The following TMEM117 variants were observed in gnomAD, a reference collection of about 807,000 sequenced individuals.
TMEM117 encodes the protein transmembrane protein 117.
In TMEM117, 27 loss-of-function variants were observed where a neutral mutation model predicts 52.4. The observed-to-expected ratio is 0.51, with a 90% CI of 0.38 to 0.71. The LOEUF (loss-of-function observed/expected upper bound fraction) is 0.71, where lower values mean the gene tolerates loss of function less well. Ranked by LOEUF, TMEM117 falls within the 30% of genes least tolerant of loss-of-function variation. The pLI is 0.00. For missense variants in TMEM117, 556 were observed against 630.5 expected (o/e 0.88, Z 1.26); for synonymous variants, 215 against 206.3 (o/e 1.04, Z -0.36).
At chr12:44,180,491 T>C (rs1254225425) in intron 4 of TMEM117, among the ~76,000 whole-genome samples, 1 of 140,956 alleles carries the variant, frequency 7.1e-6, no homozygotes, top group Non-Finnish European at 1.6e-5. Context: ...CTCCCAATCC[T>C]ATCCCTCCCC....
intron 2 of TMEM117, among the ~76,000 whole-genome samples, chr12:43,933,752 G>T (rs867027595): frequency 6.7e-6 from 1 of 150,172 alleles, no homozygotes; most frequent in Non-Finnish European, 1.5e-5. Context: ...TAGTAGAGAC[G>T]GGGTTTCACT....
chr12:44,039,101 T>C (rs1946757723), intron 3 of TMEM117, among the ~76,000 whole-genome samples: 1 of 152,242 alleles, frequency 6.6e-6, no homozygotes, highest in African/African-American at 2.4e-5. Flanking sequence ...TAAGTTTCTT[T>C]CCTCTATGGA....
chr12:44,126,138 A>G (rs982499045), intron 3 of TMEM117, among the ~76,000 whole-genome samples: 4 of 151,856 alleles, frequency 2.6e-5, no homozygotes, highest in Non-Finnish European at 5.9e-5. Context: ...AGTTCTAATT[A>G]TGTATCACAT....
intron 3 of TMEM117, among the ~76,000 whole-genome samples, chr12:44,001,285 C>T (rs1262328642): frequency 6.6e-6 from 1 of 152,172 alleles, no homozygotes; most frequent in Non-Finnish European, 1.5e-5. Flanking sequence ...TAGCTCTGGG[C>T]CAGCCTTTGG....
intron 6 of TMEM117, among the ~76,000 whole-genome samples, chr12:44,338,598 G>A (rs530897137): frequency 5.3e-5 from 8 of 151,078 alleles, no homozygotes; most frequent in African/African-American, 1.9e-4. Context: ...AGGAATCCAA[G>A]GATTAAAAAA....
chr12:44,296,551 GT>G (rs1430479535), intron 5 of TMEM117, among the ~76,000 whole-genome samples: 3 of 152,286 alleles, frequency 2.0e-5, no homozygotes, highest in African/African-American at 7.2e-5. Flanking sequence ...TTCCTATAAA[GT>G]CCCTTGGTGG....
intron 2 of TMEM117, among the ~76,000 whole-genome samples, chr12:43,855,916 G>A (rs1943392001): frequency 6.6e-6 from 1 of 152,052 alleles, no homozygotes. Flanking sequence ...TGGTAATACA[G>A]GAATATCAAA....
chr12:43,805,902 G>A, the TMEM117 span: 1 of 1,482,086 alleles, frequency 6.7e-7, no homozygotes, highest in Non-Finnish European at 9.0e-7. Flanking sequence ...GACCAAAAGG[G>A]GGAAAGTTGG....
intron 3 of TMEM117, among the ~76,000 whole-genome samples, chr12:44,089,250 G>A (rs1266791999): frequency 2.0e-4 from 30 of 152,258 alleles, no homozygotes; most frequent in Admixed American, 1.8e-3. Flanking sequence ...TTGCTCTGCC[G>A]CAAACTGAAC....
At chr12:43,971,622 C>T (rs370664807) in intron 3 of TMEM117, among the ~76,000 whole-genome samples, 13 of 152,152 alleles carry the variant, frequency 8.5e-5, no homozygotes, top group East Asian at 3.8e-4. Flanking sequence ...ACTTTCCTAA[C>T]GCCTTAAGGT....
chr12:43,974,925 C>T (rs550490486), intron 3 of TMEM117, among the ~76,000 whole-genome samples: 10 of 152,110 alleles, frequency 6.6e-5, no homozygotes, highest in African/African-American at 9.7e-5. Context: ...AGGGAGCTGT[C>T]TGAAGCCCAG....
the TMEM117 span, among the ~76,000 whole-genome samples, chr12:43,828,025 A>C: frequency 1.3e-5 from 2 of 152,172 alleles, no homozygotes; most frequent in African/African-American, 4.8e-5. Context: ...CTCTTCTAGA[A>C]CCTTCAGAGG....
At chr12:43,797,486 C>T in the TMEM117 span, 22 of 1,506,868 alleles carry the variant, frequency 1.5e-5, no homozygotes, top group South Asian at 2.7e-4. Flanking sequence ...TTCATTAAAA[C>T]CAGATATAAG....
At chr12:44,318,742 G>C (rs1358767981) in intron 6 of TMEM117, among the ~76,000 whole-genome samples, 1 of 152,126 alleles carries the variant, frequency 6.6e-6, no homozygotes, top group Non-Finnish European at 1.5e-5. Context: ...ATCCAGGAGA[G>C]TGGGTGCTCT....
intron 3 of TMEM117, among the ~76,000 whole-genome samples, chr12:44,140,667 A>C (rs1948558385): frequency 6.6e-6 from 1 of 152,114 alleles, no homozygotes; most frequent in African/African-American, 2.4e-5. Context: ...AGACAGTAGA[A>C]GCTGTTCACC....
intron 5 of TMEM117, among the ~76,000 whole-genome samples, chr12:44,226,566 C>T (rs1949864349): frequency 6.6e-6 from 1 of 151,252 alleles, no homozygotes; most frequent in South Asian, 2.1e-4. Flanking sequence ...AATTTATATC[C>T]CCCAAATTCA....
At chr12:43,842,071 G>A (rs1273761613) in intron 1 of TMEM117, among the ~76,000 whole-genome samples, 1 of 151,980 alleles carries the variant, frequency 6.6e-6, no homozygotes, top group African/African-American at 2.4e-5. Flanking sequence ...AATTTTTTTT[G>A]TAGTGGTGGT....
chr12:43,797,984 G>T, the TMEM117 span: 1 of 773,174 alleles, frequency 1.3e-6, no homozygotes, highest in Non-Finnish European at 2.0e-6. Context: ...GGTCCTGCTA[G>T]CATTTTGTCA....
chr12:44,192,196 CCTT>C (rs1949364214), intron 4 of TMEM117, among the ~76,000 whole-genome samples: 1 of 152,140 alleles, frequency 6.6e-6, no homozygotes, highest in African/African-American at 2.4e-5. Flanking sequence ...CACCCTCACT[CCTT>C]CTCCATCAGT....
Sources: gnomAD v4.1 joint callset for allele counts (sites outside exome capture counted in the v4.1 genomes callset) on GRCh38, gnomAD v4.1.1 for gene constraint, MANE v1.5 for transcripts, NCBI Gene and HGNC (gene_info 2026-07-23, HGNC 2026-07-21) for gene names.